Variants in CCDC39 observed in about 807,000 individuals in gnomAD.
CCDC39 encodes the protein coiled-coil domain 39 molecular ruler complex subunit.
In CCDC39, 113 loss-of-function variants were observed where a neutral mutation model predicts 121.0. The ratio of observed to expected loss-of-function variants is 0.93; its 90% confidence interval spans 0.80 to 1.09. The LOEUF (loss-of-function observed/expected upper bound fraction) is 1.09. CCDC39 is among the 50% of genes least tolerant of loss of function. The pLI is 0.00. For missense variants in CCDC39, 1,063 were observed against 1,074.7 expected, an observed-to-expected ratio of 0.99 and a Z score of 0.15; for synonymous variants, 349 against 352.2, an observed-to-expected ratio of 0.99 and a Z score of 0.10.
intron 14 of CCDC39, 57 bp downstream of exon 14, chr3:180,631,412 G>A: frequency 7.0e-7 from 1 of 1,438,112 alleles, no homozygotes; most frequent in Non-Finnish European, 9.5e-7. Flanking sequence ...GGATTATGAT[G>A]AATGAGTTAA....
chr3:180,621,087 G>A (rs1364411002), intron 14 of CCDC39, among the ~76,000 whole-genome samples: 2 of 152,098 alleles, frequency 1.3e-5, no homozygotes, highest in African/African-American at 2.4e-5. Context: ...TGCTGTAAAA[G>A]ACAGGATTTC....
At chr3:180,666,718 A>G (rs1010859740) in intron 1 of CCDC39, among the ~76,000 whole-genome samples, 21 of 152,194 alleles carry the variant, frequency 1.4e-4, no homozygotes, top group African/African-American at 4.8e-4. Context: ...AACATTTTAT[A>G]GCTTCTTTCT....
intron 14 of CCDC39, among the ~76,000 whole-genome samples, chr3:180,622,749 C>T (rs1294902629): frequency 6.6e-6 from 1 of 151,974 alleles, no homozygotes; most frequent in East Asian, 1.9e-4. Context: ...TCCTTTCATC[C>T]CTGGCATAAA....
At chr3:180,673,484 T>C (rs1032311798) in intron 1 of CCDC39, among the ~76,000 whole-genome samples, 1 of 151,952 alleles carries the variant, frequency 6.6e-6, no homozygotes, top group Non-Finnish European at 1.5e-5. Context: ...CTTGTTAGTA[T>C]TTTTTTTAAC....
intron 1 of CCDC39, among the ~76,000 whole-genome samples, chr3:180,675,247 G>T (rs950366793): frequency 6.6e-6 from 1 of 152,152 alleles, no homozygotes; most frequent in African/African-American, 2.4e-5. Context: ...ATTTCTTCTA[G>T]ATTTTCTAGT....
At chr3:180,642,778 A>C (rs1717986976) in intron 12 of CCDC39, among the ~76,000 whole-genome samples, 1 of 152,146 alleles carries the variant, frequency 6.6e-6, no homozygotes, top group Admixed American at 6.5e-5. Flanking sequence ...AAATCAACGT[A>C]ACTACTAGAA....
chr3:180,645,398 C>G (rs1477835044), intron 11 of CCDC39, among the ~76,000 whole-genome samples: 1 of 151,970 alleles, frequency 6.6e-6, no homozygotes, highest in African/African-American at 2.4e-5. Flanking sequence ...AAGGTTTGTG[C>G]TCTTATTCCC....
chr3:180,664,787 C>A (rs1711832010), intron 1 of CCDC39, among the ~76,000 whole-genome samples: 1 of 151,730 alleles, frequency 6.6e-6, no homozygotes, highest in African/African-American at 2.4e-5. Context: ...CCTCTGCCTC[C>A]CGAGTTCAAC....
At chr3:180,671,798 G>T (rs527473479) in intron 1 of CCDC39, among the ~76,000 whole-genome samples, 2 of 152,184 alleles carry the variant, frequency 1.3e-5, no homozygotes, top group Non-Finnish European at 2.9e-5. Flanking sequence ...TGAAGAAGCT[G>T]CAGAAGAAAA....
At chr3:180,673,676 G>T (rs775096786) in intron 1 of CCDC39, among the ~76,000 whole-genome samples, 2 of 152,020 alleles carry the variant, frequency 1.3e-5, no homozygotes, top group Non-Finnish European at 1.5e-5. Flanking sequence ...GCCTACACAA[G>T]AAAAACGAAG....
At position 180,664,006 on chromosome 3, in the gene CCDC39, T is replaced by C. The variant is rs762619325; in HGVS notation, c.91-20A>G. ...TGACAACTGTAAATAATAAATACTA[T>C]GATTAACCAAAGTCCTATTAAGTTT... On this transcript the variant is annotated intron_variant, in intron 1 of 19. Transcript: ENST00000476379. 13 of 1,602,182 alleles carry C rather than the reference T, an allele frequency of 8.1e-6. No homozygotes were observed. The highest frequency in any genetic ancestry group is 5.4e-5 in the African/African-American group (4 of 74,660).
At chr3:180,630,378 A>G (rs1006172209) in intron 14 of CCDC39, among the ~76,000 whole-genome samples, 1 of 152,120 alleles carries the variant, frequency 6.6e-6, no homozygotes, top group Non-Finnish European at 1.5e-5. Context: ...GGGAAGGCAG[A>G]ATTTCAAGCA....
At chr3:180,672,588 C>T (rs960751497) in intron 1 of CCDC39, among the ~76,000 whole-genome samples, 2 of 152,140 alleles carry the variant, frequency 1.3e-5, no homozygotes, top group Non-Finnish European at 2.9e-5. Context: ...CAGAATAAGG[C>T]TCCATCTCAA....
At chr3:180,667,641 C>G (rs1054643537) in intron 1 of CCDC39, among the ~76,000 whole-genome samples, 1 of 151,982 alleles carries the variant, frequency 6.6e-6, no homozygotes, top group African/African-American at 2.4e-5. Flanking sequence ...ACTGATCAGG[C>G]CTCCCTCATC....
chr3:180,630,089 C>A (rs1717659539), intron 14 of CCDC39, among the ~76,000 whole-genome samples: 1 of 152,108 alleles, frequency 6.6e-6, no homozygotes, highest in South Asian at 2.1e-4. Context: ...GGTTAAGTAA[C>A]TTATTCCTGG....
chr3:180,617,130 G>A (rs553631174), intron 16 of CCDC39, among the ~76,000 whole-genome samples, 164 bp from the exon 17 acceptor site: 8 of 152,192 alleles, frequency 5.3e-5, no homozygotes, highest in African/African-American at 1.9e-4. Context: ...ATGATGGACT[G>A]TATATATGAT....
intron 1 of CCDC39, among the ~76,000 whole-genome samples, chr3:180,666,512 T>C (rs1711881565): frequency 1.3e-5 from 2 of 152,198 alleles, no homozygotes; most frequent in South Asian, 4.1e-4. Flanking sequence ...CAAAGTCTAC[T>C]TGCATTTATA....
At chr3:180,634,774 C>T (rs1453255709) in intron 13 of CCDC39, among the ~76,000 whole-genome samples, 1 of 152,170 alleles carries the variant, frequency 6.6e-6, no homozygotes, top group East Asian at 1.9e-4. Context: ...GCACCACCTA[C>T]TGGATCACAC....
chr3:180,643,524 A>AT (rs574978088), intron 12 of CCDC39, among the ~76,000 whole-genome samples: 14 of 152,180 alleles, frequency 9.2e-5, no homozygotes, highest in Non-Finnish European at 2.1e-4. Flanking sequence ...ATTGGCAACA[A>AT]TTTTTTAAAT....
Sources: allele counts gnomAD v4.1 joint callset (sites outside exome capture counted in the v4.1 genomes callset), GRCh38; gene constraint gnomAD v4.1.1; transcripts MANE v1.5; gene names NCBI Gene and HGNC (gene_info 2026-07-23, HGNC 2026-07-21).